The following CSMD1 variants were observed in gnomAD, a reference collection of about 807,000 sequenced individuals.
CSMD1 encodes CUB and sushi domain-containing protein 1.
A neutral mutation model predicts 417.5 loss-of-function variants in CSMD1; 213 were observed. That is an observed-to-expected ratio of 0.51 (90% CI 0.46 to 0.57). CSMD1 has a LOEUF of 0.57. CSMD1 is among the 20% of genes least tolerant of loss of function. The pLI is 0.00. For synonymous variants in CSMD1, 2,862 were observed against 1,736.8 expected (o/e 1.65, Z -16.11); for missense variants, 6,923 against 4,529.7 (o/e 1.53, Z -15.17).
At chr8:4,230,015 G>C (rs973084524) in intron 3 of CSMD1, among the ~76,000 whole-genome samples, 1 of 152,136 alleles carries the variant, frequency 6.6e-6, no homozygotes, top group Admixed American at 6.6e-5. Context: ...ATATGATTTT[G>C]CTATTCAACA....
intron 3 of CSMD1, among the ~76,000 whole-genome samples, chr8:4,347,954 A>T (rs1800868817): frequency 1.3e-5 from 2 of 152,318 alleles, no homozygotes; most frequent in South Asian, 2.1e-4. Context: ...ATGGAGGCAC[A>T]GAAGAATTTA....
At chr8:3,815,253 G>T (rs1801308031) in intron 5 of CSMD1, among the ~76,000 whole-genome samples, 1 of 152,156 alleles carries the variant, frequency 6.6e-6, no homozygotes, top group African/African-American at 2.4e-5. Flanking sequence ...TTTGGGTAAA[G>T]TGTCTGAGGA....
chr8:4,047,545 C>CA (rs67200346), intron 3 of CSMD1, among the ~76,000 whole-genome samples: 70,308 of 150,440 alleles, frequency 0.47, 17,318 homozygotes, highest in South Asian at 0.58. Context: ...TCATTCATTC[C>CA]ACAAATATTT....
At chr8:4,014,832 C>A (rs141151574) in intron 4 of CSMD1, among the ~76,000 whole-genome samples, 1 of 152,154 alleles carries the variant, frequency 6.6e-6, no homozygotes, top group Non-Finnish European at 1.5e-5. Context: ...AACATGGTAT[C>A]TGCATGGAAT....
At chr8:3,133,844 C>T (rs2129027900) in intron 41 of CSMD1, among the ~76,000 whole-genome samples, 1 of 152,300 alleles carries the variant, frequency 6.6e-6, no homozygotes, top group African/African-American at 2.4e-5. Context: ...GGTGGCATGG[C>T]CTTAAAGGCC....
intron 26 of CSMD1, among the ~76,000 whole-genome samples, chr8:3,263,670 T>C (rs6996492): frequency 0.69 from 105,613 of 152,148 alleles, 37,820 homozygotes; most frequent in Non-Finnish European, 0.79. Context: ...ATGTAAAACA[T>C]AAAAATAGGA....
At chr8:3,147,654 T>C (rs956661465) in intron 40 of CSMD1, among the ~76,000 whole-genome samples, 1 of 152,200 alleles carries the variant, frequency 6.6e-6, no homozygotes, top group Non-Finnish European at 1.5e-5. Flanking sequence ...CCTTGTTACT[T>C]AGTGTTGCAA....
intron 3 of CSMD1, among the ~76,000 whole-genome samples, chr8:4,182,004 A>G (rs1170957904): frequency 6.7e-6 from 1 of 149,310 alleles, no homozygotes; most frequent in Non-Finnish European, 1.5e-5. Flanking sequence ...ATTTTTAAGT[A>G]CACAGAAACT....
intron 5 of CSMD1, among the ~76,000 whole-genome samples, chr8:3,893,339 TTA>T (rs56848640): frequency 0.36 from 29,130 of 80,598 alleles, 4,704 homozygotes; most frequent in East Asian, 0.49. Flanking sequence ...ATTCACAATT[TTA>T]TATATATATA....
chr8:4,746,131 C>G (rs1344432068), intron 1 of CSMD1, among the ~76,000 whole-genome samples: 1 of 152,116 alleles, frequency 6.6e-6, no homozygotes, highest in Non-Finnish European at 1.5e-5. Context: ...AAATTAAGCC[C>G]TCTTTGGGCC....
intron 23 of CSMD1, among the ~76,000 whole-genome samples, chr8:3,309,345 G>T (rs1181749447): frequency 6.6e-6 from 1 of 151,666 alleles, no homozygotes; most frequent in African/African-American, 2.4e-5. Flanking sequence ...TGGCGCTCCT[G>T]AATTACTGCC....
chr8:3,981,246 GA>G (rs1813837921), intron 5 of CSMD1, among the ~76,000 whole-genome samples: 1 of 152,100 alleles, frequency 6.6e-6, no homozygotes, highest in African/African-American at 2.4e-5. Flanking sequence ...CTCAGGCGTT[GA>G]AAACCAAACA....
intron 10 of CSMD1, among the ~76,000 whole-genome samples, chr8:3,523,031 A>ACC (rs1268662932): frequency 6.6e-6 from 1 of 151,210 alleles, no homozygotes; most frequent in Non-Finnish European, 1.5e-5. Flanking sequence ...ACACACACAC[A>ACC]CACACACACT....
chr8:4,800,950 T>C (rs373757891), intron 1 of CSMD1, among the ~76,000 whole-genome samples: 10 of 152,218 alleles, frequency 6.6e-5, no homozygotes, highest in East Asian at 3.9e-4. Flanking sequence ...TTGTTATTTT[T>C]TAAAAGCAGA....
chr8:4,077,271 T>C (rs563800790), intron 3 of CSMD1, among the ~76,000 whole-genome samples: 143 of 107,678 alleles, frequency 1.3e-3, no homozygotes, highest in African/African-American at 5.5e-3. Context: ...TAAAAGCCCA[T>C]TTGTCACCTA....
chr8:4,105,622 G>A (rs932936336), intron 3 of CSMD1, among the ~76,000 whole-genome samples: 12 of 152,196 alleles, frequency 7.9e-5, no homozygotes, highest in Admixed American at 7.9e-4. Flanking sequence ...AACAGGGAAA[G>A]CAAAGGGGAT....
chr8:3,212,742 G>C (rs778373698), intron 30 of CSMD1, among the ~76,000 whole-genome samples: 2 of 152,046 alleles, frequency 1.3e-5, no homozygotes, highest in Non-Finnish European at 2.9e-5. Context: ...TAAGAGAATG[G>C]ACTTAGAAAC....
At chr8:4,161,090 A>G (rs551981682) in intron 3 of CSMD1, among the ~76,000 whole-genome samples, 1 of 150,404 alleles carries the variant, frequency 6.6e-6, no homozygotes, top group South Asian at 2.1e-4. Context: ...AATGTAAGAG[A>G]TACATTTCCA....
intron 23 of CSMD1, among the ~76,000 whole-genome samples, chr8:3,324,498 A>ACCCAACCCCCAGAGACCCAGGAGGGGGAG (rs1806385180): frequency 7.6e-6 from 1 of 131,796 alleles, no homozygotes; most frequent in African/African-American, 2.9e-5. Flanking sequence ...ATAGACACAC[A>ACCCAACCCCCAGAGACCCAGGAGGGGGAG]TTCAACCCCC....
Sources: allele counts gnomAD v4.1 joint callset (sites outside exome capture counted in the v4.1 genomes callset), GRCh38; gene constraint gnomAD v4.1.1; transcripts MANE v1.5; gene names NCBI Gene and HGNC (gene_info 2026-07-23, HGNC 2026-07-21).